FBXL17: variants seen among roughly 807,000 people sequenced by gnomAD.
The protein encoded by FBXL17 is F-box/LRR-repeat protein 17.
A neutral mutation model predicts 66.2 loss-of-function variants in FBXL17; 22 were observed. The ratio of observed to expected loss-of-function variants is 0.33; its 90% CI spans 0.24 to 0.47. The LOEUF (loss-of-function observed/expected upper bound fraction) is 0.47, where lower values mean the gene tolerates loss of function less well. Ranked by LOEUF, FBXL17 falls within the 20% of genes least tolerant of loss-of-function variation. The pLI is 1.00. For synonymous variants in FBXL17, 474 were observed against 400.5 expected (o/e 1.18, Z -2.19); for missense variants, 878 against 948.2 (o/e 0.93, Z 0.97).
At chr5:108,119,578 GC>G (rs1358151360) in intron 6 of FBXL17, among the ~76,000 whole-genome samples, 1 of 152,116 alleles carries the variant, frequency 6.6e-6, no homozygotes, top group Non-Finnish European at 1.5e-5. Flanking sequence ...TGGAATATAG[GC>G]CTTAAGCACC....
chr5:107,924,367 CA>C (rs1338521823), intron 7 of FBXL17, among the ~76,000 whole-genome samples: 7 of 152,204 alleles, frequency 4.6e-5, no homozygotes, highest in Non-Finnish European at 1.0e-4. Context: ...TAACTGGGTA[CA>C]AGGAGTCTTA....
chr5:108,326,732 T>C (rs74824716), intron 4 of FBXL17, among the ~76,000 whole-genome samples: 1 of 152,100 alleles, frequency 6.6e-6, no homozygotes, highest in Non-Finnish European at 1.5e-5. Context: ...GGTACCACCA[T>C]ACACTCACTG....
intron 7 of FBXL17, among the ~76,000 whole-genome samples, chr5:107,970,480 T>C (rs1752326704): frequency 6.6e-6 from 1 of 152,170 alleles, no homozygotes; most frequent in Admixed American, 6.6e-5. Context: ...TTAACTTTAA[T>C]TTCGTCTAGT....
intron 4 of FBXL17, among the ~76,000 whole-genome samples, chr5:108,262,924 C>T (rs912869465): frequency 1.3e-5 from 2 of 152,180 alleles, no homozygotes; most frequent in African/African-American, 4.8e-5. Flanking sequence ...GTGAAGGGAA[C>T]TTCCTTAAGT....
intron 4 of FBXL17, chr5:108,299,654 T>TAA: frequency 1.8e-5 from 13 of 736,450 alleles, no homozygotes; most frequent in South Asian, 1.2e-4. Context: ...AAATTAAAAT[T>TAA]AAAAAAAAAA....
intron 4 of FBXL17, among the ~76,000 whole-genome samples, chr5:108,330,111 T>A (rs1760053093): frequency 6.6e-6 from 1 of 152,180 alleles, no homozygotes; most frequent in Non-Finnish European, 1.5e-5. Flanking sequence ...AACCATGAAG[T>A]AGCCAAAGAC....
chr5:108,381,974 C>T lies in FBXL17; in HGVS notation c.-283G>A. ...GGGAGGGAGCGAGCGAGCCTGCCGG[C>T]TAGGCGACCAGTCCGGGCCCGGCCA... On this transcript the variant is annotated 5_prime_UTR_variant, in exon 1 of 9. Coordinates refer to ENST00000542267, the MANE Select transcript of FBXL17 (RefSeq NM_001163315.3). The T allele has an allele frequency of 1.6e-6, 2 of 1,219,608 alleles. No individual in the cohort carries two copies. Among genetic ancestry groups the T allele is most frequent in the Non-Finnish European group, 1.0e-6 (1 of 977,446 alleles). 75.5% of individuals were successfully genotyped at this position (1,219,608 alleles called of 1,614,324 possible). A position where few individuals can be genotyped will look rare whatever the true frequency, so the allele number is the denominator to read the frequency against.
chr5:108,222,874 A>G (rs1381562947), intron 5 of FBXL17, among the ~76,000 whole-genome samples: 2 of 151,556 alleles, frequency 1.3e-5, no homozygotes, highest in Non-Finnish European at 2.9e-5. Context: ...GAGTTTCACC[A>G]CGTTGGCCAG....
intron 7 of FBXL17, among the ~76,000 whole-genome samples, chr5:107,911,023 A>G (rs1307888905): frequency 1.3e-5 from 2 of 152,134 alleles, no homozygotes; most frequent in African/African-American, 4.8e-5. Flanking sequence ...AAAAATACCA[A>G]CATGATTTTT....
intron 7 of FBXL17, 78 bp downstream of exon 7, chr5:108,020,847 G>T: frequency 9.8e-7 from 1 of 1,018,660 alleles, no homozygotes; most frequent in Non-Finnish European, 1.5e-6. Flanking sequence ...TATAGTTCTT[G>T]ATTTCTTTTT....
At chr5:107,923,805 AG>A (rs1750404030) in intron 7 of FBXL17, among the ~76,000 whole-genome samples, 1 of 152,142 alleles carries the variant, frequency 6.6e-6, no homozygotes, top group East Asian at 1.9e-4. Flanking sequence ...ACACTGTGGG[AG>A]GCACTGTCCT....
intron 4 of FBXL17, among the ~76,000 whole-genome samples, chr5:108,336,757 G>A (rs1397649799): frequency 6.6e-6 from 1 of 151,946 alleles, no homozygotes; most frequent in Non-Finnish European, 1.5e-5. Context: ...AACTATCATT[G>A]CCATTCTTCT....
chr5:108,195,916 G>C (rs997718900), intron 5 of FBXL17, among the ~76,000 whole-genome samples: 6 of 152,030 alleles, frequency 3.9e-5, no homozygotes, highest in African/African-American at 1.4e-4. Context: ...ACAATTTGGG[G>C]GCAGGCAGAA....
At chr5:108,369,304 G>C (rs956679771) in intron 1 of FBXL17, among the ~76,000 whole-genome samples, 6 of 152,100 alleles carry the variant, frequency 3.9e-5, no homozygotes, top group Non-Finnish European at 7.4e-5. Context: ...CCCTGACTTC[G>C]AGTCTGTCCC....
intron 2 of FBXL17, among the ~76,000 whole-genome samples, chr5:108,366,675 CA>C (rs1748686926): frequency 6.6e-6 from 1 of 151,992 alleles, no homozygotes; most frequent in Non-Finnish European, 1.5e-5. Context: ...TTGCTTTACA[CA>C]TATCTGCTCT....
At chr5:108,105,892 AAG>A (rs1326175218) in intron 6 of FBXL17, among the ~76,000 whole-genome samples, 2 of 152,180 alleles carry the variant, frequency 1.3e-5, no homozygotes, top group African/African-American at 4.8e-5. Flanking sequence ...ATATGCATCA[AAG>A]AGAGAGTAAA....
chr5:108,331,750 G>A (rs370700657), intron 4 of FBXL17, among the ~76,000 whole-genome samples: 8 of 151,944 alleles, frequency 5.3e-5, no homozygotes, highest in Middle Eastern at 6.8e-3. Flanking sequence ...AACTACACCC[G>A]TCACCTAACA....
chr5:108,296,897 T>C (rs2150171253), intron 4 of FBXL17, among the ~76,000 whole-genome samples: 1 of 151,652 alleles, frequency 6.6e-6, no homozygotes, highest in Non-Finnish European at 1.5e-5. Flanking sequence ...AAAATGGTAA[T>C]TTTTGTTTTT....
chr5:108,235,373 C>T (rs886139401), intron 4 of FBXL17, among the ~76,000 whole-genome samples: 4 of 152,126 alleles, frequency 2.6e-5, no homozygotes, highest in Admixed American at 6.5e-5. Flanking sequence ...TAACTGGACC[C>T]ATCGTTATAC....
Sources: gnomAD v4.1 joint callset for allele counts (sites outside exome capture counted in the v4.1 genomes callset) on GRCh38, gnomAD v4.1.1 for gene constraint, MANE v1.5 for transcripts, NCBI Gene and HGNC (gene_info 2026-07-23, HGNC 2026-07-21) for gene names.